TMEM132C: variants seen among roughly 807,000 people sequenced by gnomAD.
The protein encoded by TMEM132C is protein phosphatase 1, regulatory subunit 152.
TMEM132C carries 29 observed loss-of-function variants against 61.4 expected under a neutral mutation model. That is an observed-to-expected ratio of 0.47 (90% CI 0.35 to 0.64). The LOEUF (loss-of-function observed/expected upper bound fraction) is 0.64. Among genes scored for constraint, TMEM132C ranks in the 30% least tolerant of loss-of-function variants. TMEM132C has a pLI of 0.00. For synonymous variants in TMEM132C, 656 were observed against 633.1 expected (o/e 1.04, Z -0.54); for missense variants, 1,408 against 1,476.9 (o/e 0.95, Z 0.76).
At chr12:128,342,045 G>T (rs1193052410) in intron 1 of TMEM132C, among the ~76,000 whole-genome samples, 2 of 149,622 alleles carry the variant, frequency 1.3e-5, no homozygotes, top group African/African-American at 5.0e-5. Context: ...GTCTCGCTCT[G>T]TCGCCTATGC....
At chr12:128,611,206 C>G (rs939114008) in intron 3 of TMEM132C, among the ~76,000 whole-genome samples, 3 of 151,826 alleles carry the variant, frequency 2.0e-5, no homozygotes, top group Non-Finnish European at 4.4e-5. Context: ...TCAGGAAGTC[C>G]TTTGAAGCCC....
intron 2 of TMEM132C, among the ~76,000 whole-genome samples, chr12:128,506,258 G>T (rs1872356012): frequency 6.6e-6 from 1 of 152,246 alleles, no homozygotes; most frequent in Non-Finnish European, 1.5e-5. Context: ...AGCATCATCT[G>T]CATTACATGG....
chr12:128,460,566 C>T (rs938656150), intron 2 of TMEM132C, among the ~76,000 whole-genome samples: 8 of 152,216 alleles, frequency 5.3e-5, no homozygotes, highest in South Asian at 2.1e-4. Flanking sequence ...GTGCCCCAGG[C>T]GGTGCCACTC....
chr12:128,268,281 A>G (rs895036500), intron 1 of TMEM132C, among the ~76,000 whole-genome samples: 5 of 152,196 alleles, frequency 3.3e-5, no homozygotes, highest in Non-Finnish European at 7.3e-5. Context: ...TGGCGCCCGC[A>G]GGGCTCACGA....
intron 2 of TMEM132C, among the ~76,000 whole-genome samples, chr12:128,426,181 G>A (rs1272816352): frequency 6.6e-6 from 1 of 152,230 alleles, no homozygotes; most frequent in Admixed American, 6.5e-5. Flanking sequence ...TCCGCCGGAG[G>A]AGTCTAGACC....
chr12:128,399,841 T>C (rs990897984), intron 1 of TMEM132C: 3 of 152,046 alleles, frequency 2.0e-5, no homozygotes, highest in Admixed American at 2.0e-4. Context: ...AGAGAGGCAG[T>C]GTTTTTGACA....
At chr12:128,476,464 A>C (rs1871159270) in intron 2 of TMEM132C, among the ~76,000 whole-genome samples, 1 of 152,232 alleles carries the variant, frequency 6.6e-6, no homozygotes, top group Admixed American at 6.5e-5. Context: ...AACATTTCTC[A>C]CGTGGCTTGC....
chr12:128,463,164 G>A lies in TMEM132C; in HGVS notation c.974+47544G>A, dbSNP rs145463078. On this transcript the variant is annotated intron_variant, in intron 2 of 8. Transcript: ENST00000435159. ...TACCTCCAATTATATATCACCAACT[G>A]CAATTATATCACATGGCCTCATCTT... Among the ~76,000 whole-genome samples the A allele has an allele frequency of 5.5e-3, 839 of 152,200 alleles. 4 individuals carry two copies. The highest frequency in any genetic ancestry group is 0.019 in the African/African-American group (778 of 41,536).
intron 3 of TMEM132C, among the ~76,000 whole-genome samples, chr12:128,596,489 A>G (rs1875956487): frequency 7.1e-6 from 1 of 140,742 alleles, no homozygotes; most frequent in Admixed American, 7.2e-5. Flanking sequence ...TCTCCGTCAC[A>G]CTGGGCTGCC....
chr12:128,599,734 G>A (rs1251840399), intron 3 of TMEM132C, among the ~76,000 whole-genome samples: 1 of 152,178 alleles, frequency 6.6e-6, no homozygotes, highest in African/African-American at 2.4e-5. Flanking sequence ...CCAAGGTTGA[G>A]GACCTTGAAC....
intron 1 of TMEM132C, among the ~76,000 whole-genome samples, chr12:128,348,302 T>A (rs1432762950): frequency 2.6e-5 from 4 of 152,268 alleles, no homozygotes; most frequent in Non-Finnish European, 5.9e-5. Flanking sequence ...CTCTACTGAA[T>A]TCAAGTGTAA....
intron 1 of TMEM132C, among the ~76,000 whole-genome samples, chr12:128,340,809 TTC>T (rs1418305636): frequency 8.7e-5 from 13 of 150,060 alleles, no homozygotes; most frequent in East Asian, 2.0e-4. Context: ...CTTTCTTTCT[TTC>T]TCTCTTTCTT....
Position 128,368,513 on chromosome 12 carries a change from C to T in TMEM132C, c.86-46219C>T, listed in dbSNP as rs140053028. On this transcript the variant is annotated intron_variant, in intron 1 of 8. Coordinates refer to ENST00000435159, the MANE Select transcript of TMEM132C (RefSeq NM_001136103.3). ...TAGTGAAAGGGTTAATTAATCGCTC[C>T]GGTTCCTGACACATAGTCATCACTC... Among the ~76,000 whole-genome samples, 437 of 152,276 alleles carry T rather than the reference C, an allele frequency of 2.9e-3. 5 individuals carry two copies. The highest frequency in any genetic ancestry group is 1.0e-2 in the African/African-American group (415 of 41,546).
rs34800325 is a variant in TMEM132C, at chr12:128,301,525, C to A, written c.85+34038C>A. 3.3e-3 allele frequency among the ~76,000 whole-genome samples: 501 copies of A among 152,328 alleles called. 1 individual carries two copies. Among genetic ancestry groups the A allele is most frequent in the Non-Finnish European group, 5.2e-3 (352 of 68,036 alleles). ...CTAACATCTACAAATGACTGCCATG[C>A]TTCTGCCCTGGGAACCATGTGCCTC... On this transcript the variant is annotated intron_variant, in intron 1 of 8. Coordinates refer to ENST00000435159, the MANE Select transcript of TMEM132C (RefSeq NM_001136103.3).
chr12:128,317,011 G>A (rs779087310), intron 1 of TMEM132C, among the ~76,000 whole-genome samples: 1 of 152,220 alleles, frequency 6.6e-6, no homozygotes, highest in Non-Finnish European at 1.5e-5. Context: ...TTAGAATGCA[G>A]TTACATAAAT....
chr12:128,527,689 G>A (rs1477349818), intron 2 of TMEM132C, among the ~76,000 whole-genome samples: 1 of 142,076 alleles, frequency 7.0e-6, no homozygotes, highest in African/African-American at 2.7e-5. Context: ...GAACGTGCAT[G>A]TACGTGAATG....
At chr12:128,621,896 T>G (rs1210858373) in intron 4 of TMEM132C, among the ~76,000 whole-genome samples, 1 of 152,102 alleles carries the variant, frequency 6.6e-6, no homozygotes, top group Non-Finnish European at 1.5e-5. Flanking sequence ...TGCCCACAGC[T>G]CTATGGCTCA....
At chr12:128,493,064 A>G (rs11613584) in intron 2 of TMEM132C, among the ~76,000 whole-genome samples, 1 of 152,194 alleles carries the variant, frequency 6.6e-6, no homozygotes, top group African/African-American at 2.4e-5. Flanking sequence ...AGCTTTCTAC[A>G]TATGGCTAGC....
At chr12:128,684,570 C>G (rs1954659916) in intron 5 of TMEM132C, among the ~76,000 whole-genome samples, 1 of 152,252 alleles carries the variant, frequency 6.6e-6, no homozygotes, top group African/African-American at 2.4e-5. Context: ...GCATGGACAG[C>G]AGTCCTGAGC....
Sources: allele counts gnomAD v4.1 joint callset (sites outside exome capture counted in the v4.1 genomes callset), GRCh38; gene constraint gnomAD v4.1.1; transcripts MANE v1.5; gene names NCBI Gene and HGNC (gene_info 2026-07-23, HGNC 2026-07-21).